The following CEP85L variants were observed in gnomAD, a reference collection of about 807,000 sequenced individuals.
The protein encoded by CEP85L is centrosomal protein of 85 kDa-like.
A neutral mutation model predicts 100.3 loss-of-function variants in CEP85L; 60 were observed. The observed-to-expected ratio is 0.60, with a 90% CI of 0.49 to 0.74. The LOEUF (loss-of-function observed/expected upper bound fraction) is 0.74. Ranked by LOEUF, CEP85L falls within the 30% of genes least tolerant of loss-of-function variation. The probability of loss-of-function intolerance (pLI) is 0.00; values close to 1 mark genes in which losing one functional copy is unlikely to be tolerated. For synonymous variants in CEP85L, 319 were observed against 322.7 expected, an observed-to-expected ratio of 0.99 and a Z score of 0.12; for missense variants, 973 against 936.2, an observed-to-expected ratio of 1.04 and a Z score of -0.51.
chr6:118,551,056 T>C (rs754152241), intron 3 of CEP85L, among the ~76,000 whole-genome samples: 1 of 151,880 alleles, frequency 6.6e-6, no homozygotes, highest in Non-Finnish European at 1.5e-5. Flanking sequence ...AAAATACTCA[T>C]GCCTTCAATT....
chr6:118,709,530 G>T (rs1777712815), intron 1 of CEP85L, among the ~76,000 whole-genome samples: 1 of 9,226 alleles, frequency 1.1e-4, no homozygotes, highest in African/African-American at 2.6e-4. Context: ...AACAACAATT[G>T]GCGTGTGTGT....
At chr6:118,553,723 C>A (rs989781072) in intron 3 of CEP85L, among the ~76,000 whole-genome samples, 7 of 152,104 alleles carry the variant, frequency 4.6e-5, no homozygotes, top group African/African-American at 1.7e-4. Flanking sequence ...ATTATAAGAT[C>A]ATCTTTAAAG....
intron 3 of CEP85L, among the ~76,000 whole-genome samples, chr6:118,542,039 G>A (rs1275357282): frequency 6.6e-6 from 1 of 152,118 alleles, no homozygotes; most frequent in East Asian, 1.9e-4. Flanking sequence ...AGAAAAAAGA[G>A]AATTTAACAG....
intron 3 of CEP85L, among the ~76,000 whole-genome samples, chr6:118,544,775 A>C (rs1028660200): frequency 2.6e-5 from 4 of 152,192 alleles, no homozygotes; most frequent in African/African-American, 7.2e-5. Flanking sequence ...CCTAAGCTTT[A>C]TAGGTTACTT....
intron 2 of CEP85L, among the ~76,000 whole-genome samples, chr6:118,619,135 C>T (rs1052709540): frequency 6.6e-6 from 1 of 151,758 alleles, no homozygotes; most frequent in Non-Finnish European, 1.5e-5. Context: ...ACCAGGGGTG[C>T]GGGCATACCT....
At chr6:118,551,440 T>TC (rs1778538888) in intron 3 of CEP85L, among the ~76,000 whole-genome samples, 1 of 151,770 alleles carries the variant, frequency 6.6e-6, no homozygotes, top group South Asian at 2.1e-4. Context: ...CATATTCTCT[T>TC]CCCCCAGAAA....
intron 1 of CEP85L, among the ~76,000 whole-genome samples, chr6:118,637,623 T>C (rs1254308289): frequency 7.0e-6 from 1 of 143,624 alleles, no homozygotes; most frequent in Non-Finnish European, 1.5e-5. Context: ...GCTAAGCTAC[T>C]TGAACCCAGG....
At chr6:118,538,873 A>C (rs887150581) in intron 3 of CEP85L, among the ~76,000 whole-genome samples, 2 of 152,096 alleles carry the variant, frequency 1.3e-5, no homozygotes, top group African/African-American at 2.4e-5. Flanking sequence ...AATTTAATGA[A>C]TCAATCCCTT....
intron 5 of CEP85L, among the ~76,000 whole-genome samples, chr6:118,495,962 C>A (rs1027165190): frequency 6.6e-6 from 1 of 152,160 alleles, no homozygotes; most frequent in Non-Finnish European, 1.5e-5. Context: ...GTCATACGCA[C>A]TTTTATTGCC....
chr6:118,694,215 T>C (rs564870951), intron 1 of CEP85L, among the ~76,000 whole-genome samples: 19 of 152,322 alleles, frequency 1.2e-4, no homozygotes, highest in African/African-American at 2.2e-4. Context: ...ATGTAATCAG[T>C]TACTGCATCC....
intron 2 of CEP85L, among the ~76,000 whole-genome samples, chr6:118,582,673 A>T (rs1780640188): frequency 6.6e-6 from 1 of 152,202 alleles, no homozygotes; most frequent in Non-Finnish European, 1.5e-5. Context: ...ATTACTCTAA[A>T]CTATCTATGA....
chr6:118,708,345 G>A (rs1777668856), intron 1 of CEP85L, among the ~76,000 whole-genome samples: 1 of 152,222 alleles, frequency 6.6e-6, no homozygotes, highest in Non-Finnish European at 1.5e-5. Flanking sequence ...TTGCAAGACT[G>A]TAAAATACAA....
chr6:118,607,298 G>C (rs1230615318), intron 2 of CEP85L, among the ~76,000 whole-genome samples: 1 of 152,188 alleles, frequency 6.6e-6, no homozygotes, highest in African/African-American at 2.4e-5. Context: ...GAGAAGGAAA[G>C]TATTGCCTGT....
intron 2 of CEP85L, among the ~76,000 whole-genome samples, chr6:118,615,310 CT>C (rs1374518946): frequency 1.3e-5 from 2 of 151,862 alleles, no homozygotes; most frequent in Non-Finnish European, 2.9e-5. Context: ...CTCTTTCTTC[CT>C]TTTTTTAACC....
intron 3 of CEP85L, among the ~76,000 whole-genome samples, chr6:118,558,656 C>CAG (rs1413401167): frequency 6.1e-4 from 82 of 133,936 alleles, no homozygotes; most frequent in Middle Eastern, 3.6e-3. Flanking sequence ...CACACACACA[C>CAG]ACACAGAGAG....
chr6:118,683,989 T>G (rs145561239), intron 1 of CEP85L, among the ~76,000 whole-genome samples: 68 of 152,326 alleles, frequency 4.5e-4, no homozygotes, highest in African/African-American at 1.6e-3. Flanking sequence ...AATTAATGTG[T>G]AACTTTTCAA....
At chr6:118,590,295 C>T (rs1781112583) in intron 2 of CEP85L, among the ~76,000 whole-genome samples, 1 of 152,118 alleles carries the variant, frequency 6.6e-6, no homozygotes, top group Non-Finnish European at 1.5e-5. Flanking sequence ...TCTTTTAAAG[C>T]AGCTCCAGAA....
At chr6:118,662,514 G>A (rs1776007073) in intron 1 of CEP85L, among the ~76,000 whole-genome samples, 1 of 143,860 alleles carries the variant, frequency 7.0e-6, no homozygotes, top group Non-Finnish European at 1.5e-5. Flanking sequence ...TGGGTGACAT[G>A]AGGGAAACCG....
chr6:118,591,142 A>G (rs1476867173), intron 2 of CEP85L, among the ~76,000 whole-genome samples: 1 of 152,206 alleles, frequency 6.6e-6, no homozygotes, highest in Non-Finnish European at 1.5e-5. Context: ...AGGTCCATAA[A>G]GATACAAAAA....
Sources: gnomAD v4.1 joint callset for allele counts (sites outside exome capture counted in the v4.1 genomes callset) on GRCh38, gnomAD v4.1.1 for gene constraint, MANE v1.5 for transcripts, NCBI Gene and HGNC (gene_info 2026-07-23, HGNC 2026-07-21) for gene names.